Variants in KSR2 observed in about 807,000 individuals in gnomAD.
The protein encoded by KSR2 is kinase suppressor of ras 2.
A neutral mutation model predicts 107.8 loss-of-function variants in KSR2; 25 were observed. That is an observed-to-expected ratio of 0.23 (90% CI 0.17 to 0.32). The LOEUF is 0.32. Among genes scored for constraint, KSR2 ranks in the 10% least tolerant of loss-of-function variants. The pLI is 1.00. For missense variants in KSR2, 887 were observed against 1,268.9 expected (o/e 0.70, Z 4.57); for synonymous variants, 480 against 507.0 (o/e 0.95, Z 0.71).
intron 1 of KSR2, among the ~76,000 whole-genome samples, chr12:117,875,190 T>C (rs373071080): frequency 2.3e-4 from 35 of 152,290 alleles, no homozygotes; most frequent in African/African-American, 7.9e-4. Flanking sequence ...GTGACAGAGC[T>C]AAAAATAATT....
chr12:117,950,757 A>ATAG lies in KSR2; in HGVS notation c.180+17318_180+17319insCTA, dbSNP rs1264652285. 2.6e-3 allele frequency among the ~76,000 whole-genome samples: 378 copies of ATAG among 148,092 alleles called. 1 individual carries two copies. The highest frequency in any genetic ancestry group is 8.8e-3 in the African/African-American group (359 of 40,632). On this transcript the variant is annotated intron_variant, in intron 1 of 19. Transcript: ENST00000339824. ...CTCTGTAAAAAAAAAAAAAATAATA[A>ATAG]TAATAATAATAATGATAATAATAAT...
At chr12:117,487,491 G>A (rs1027108438) in intron 14 of KSR2, among the ~76,000 whole-genome samples, 2 of 152,220 alleles carry the variant, frequency 1.3e-5, no homozygotes, top group Admixed American at 6.5e-5. Flanking sequence ...CCCAGGCAGG[G>A]CATTTGCTGT....
rs1411485723 is a variant in KSR2 at position 117,742,655 on chromosome 12, T to C, written c.986+18356A>G. Among the ~76,000 whole-genome samples, 5 of 152,312 alleles carry C rather than the reference T, an allele frequency of 3.3e-5. No homozygotes were observed. The East Asian group carries it at 9.6e-4, about 29-fold the overall frequency. On this transcript the variant is annotated intron_variant, in intron 4 of 19. Coordinates refer to ENST00000339824, the MANE Select transcript of KSR2 (RefSeq NM_173598.6). ...TGAGGGGAATTAGAAAGGAATTCTT[T>C]GTAATGTTCTTATAACTTTTTTGCA...
At chr12:117,759,548 T>C (rs1346410555) in intron 4 of KSR2, among the ~76,000 whole-genome samples, 1 of 152,212 alleles carries the variant, frequency 6.6e-6, no homozygotes, top group Non-Finnish European at 1.5e-5. Context: ...CTAATTACAT[T>C]TGCATTGTTG....
chr12:117,471,179 C>G lies in KSR2; in HGVS notation c.2712+12G>C. 2 of 1,613,594 alleles carry G rather than the reference C, an allele frequency of 1.2e-6. No homozygotes were observed. The highest frequency in any genetic ancestry group is 1.7e-6 in the Non-Finnish European group (2 of 1,179,636). ...CCTCATCCCCCAAGTCTGGACCTAT[C>G]TTGGGACTTACCGAGATTTCTTTTC... On this transcript the variant is annotated intron_variant, in intron 18 of 19. Coordinates refer to ENST00000339824, the MANE Select transcript of KSR2 (RefSeq NM_173598.6).
intron 4 of KSR2, among the ~76,000 whole-genome samples, chr12:117,754,466 C>T (rs187638724): frequency 6.6e-4 from 101 of 151,906 alleles, no homozygotes; most frequent in African/African-American, 2.4e-3. Context: ...GGTGAAATCC[C>T]GTCTCTACTA....
At chr12:117,968,028 GCTTT>G in intron 1 of KSR2, 44 bp downstream of exon 1, 1 of 1,059,932 alleles carries the variant, frequency 9.4e-7, no homozygotes, top group Non-Finnish European at 1.3e-6. Context: ...AAGAAGGATT[GCTTT>G]TTTTTTTTTT....
chr12:117,543,048 T>G (rs1876619926), intron 9 of KSR2, among the ~76,000 whole-genome samples: 1 of 152,236 alleles, frequency 6.6e-6, no homozygotes, highest in Non-Finnish European at 1.5e-5. Flanking sequence ...CTAAGTTGTT[T>G]TCTATTTTTT....
At chr12:117,882,647 A>C (rs1894060404) in intron 1 of KSR2, among the ~76,000 whole-genome samples, 1 of 151,580 alleles carries the variant, frequency 6.6e-6, no homozygotes. Context: ...CCAACAATCC[A>C]TCTATCCATT....
intron 4 of KSR2, among the ~76,000 whole-genome samples, chr12:117,731,178 G>A (rs1020264946): frequency 1.3e-5 from 2 of 148,276 alleles, no homozygotes; most frequent in Admixed American, 6.7e-5. Context: ...TGGGAACTGA[G>A]GAGTGTCTCT....
intron 16 of KSR2, among the ~76,000 whole-genome samples, chr12:117,477,060 G>A (rs539043010): frequency 3.1e-4 from 47 of 152,300 alleles, no homozygotes; most frequent in African/African-American, 1.1e-3. Context: ...GCTCAGAAGT[G>A]TTAAGTGACT....
intron 1 of KSR2, chr12:117,889,803 G>A (rs1894285868): frequency 1.3e-5 from 2 of 152,188 alleles, no homozygotes; most frequent in South Asian, 4.1e-4. Flanking sequence ...GTCACAACTT[G>A]GAAGATGGGG....
intron 14 of KSR2, among the ~76,000 whole-genome samples, chr12:117,516,097 A>G (rs1006490953): frequency 6.6e-6 from 1 of 152,024 alleles, no homozygotes; most frequent in Admixed American, 6.6e-5. Context: ...ACCGGGCCAC[A>G]ATGCTGCAGG....
At position 117,461,311 on chromosome 12, in the gene KSR2, G is replaced by T. The variant is rs927833866; in HGVS notation, c.*5888C>A. On this transcript the variant is annotated 3_prime_UTR_variant, in exon 20 of 20. Coordinates refer to ENST00000339824, the MANE Select transcript of KSR2 (RefSeq NM_173598.6). ...AAACCTAACAAACAAACTCATTGGG[G>T]TTGATATGGCACCCACAACATGGTC... The T allele has an allele frequency of 6.6e-6, 1 of 152,234 alleles. No homozygotes were observed. The highest frequency in any genetic ancestry group is 1.5e-5 in the Non-Finnish European group (1 of 68,126). The allele number at this position is 152,234 out of a possible 1,614,324, so 9.4% of individuals were successfully genotyped here.
intron 14 of KSR2, among the ~76,000 whole-genome samples, chr12:117,486,681 T>C (rs1186143857): frequency 1.3e-5 from 2 of 152,190 alleles, no homozygotes; most frequent in Non-Finnish European, 2.9e-5. Flanking sequence ...TTTGCTGAGA[T>C]TGTATTTCCT....
chr12:117,674,442 C>T (rs1311333770), intron 4 of KSR2: 1 of 454,852 alleles, frequency 2.2e-6, no homozygotes, highest in Non-Finnish European at 4.4e-6. Context: ...TGGAAGATCA[C>T]AACCTCTATC....
At chr12:117,709,167 C>A (rs1020254281) in intron 4 of KSR2, among the ~76,000 whole-genome samples, 2 of 152,134 alleles carry the variant, frequency 1.3e-5, no homozygotes, top group Admixed American at 6.5e-5. Flanking sequence ...GTGCAGACAT[C>A]TTTGGGGGAG....
At chr12:117,669,224 G>A (rs908425043) in intron 4 of KSR2, among the ~76,000 whole-genome samples, 6 of 152,158 alleles carry the variant, frequency 3.9e-5, no homozygotes, top group Non-Finnish European at 5.9e-5. Context: ...TCACTGAAAC[G>A]GGTAATAGTA....
At chr12:117,826,084 T>C (rs754869454) in intron 3 of KSR2, among the ~76,000 whole-genome samples, 6 of 151,508 alleles carry the variant, frequency 4.0e-5, no homozygotes, top group Non-Finnish European at 7.4e-5. Context: ...GGTGTATGGA[T>C]GGAAGGAAGG....
Sources: allele counts gnomAD v4.1 joint callset (sites outside exome capture counted in the v4.1 genomes callset), GRCh38; gene constraint gnomAD v4.1.1; transcripts MANE v1.5; gene names NCBI Gene and HGNC (gene_info 2026-07-23, HGNC 2026-07-21).